Variants in MACROD2 observed in about 807,000 individuals in gnomAD.
The protein encoded by MACROD2 is mono-ADP ribosylhydrolase 2.
Under a neutral mutation model 70.4 loss-of-function variants are expected in MACROD2, and 36 were observed. The observed-to-expected ratio is 0.51, with a 90% CI of 0.39 to 0.68. The LOEUF (loss-of-function observed/expected upper bound fraction) is 0.68, where lower values mean the gene tolerates loss of function less well. Among genes scored for constraint, MACROD2 ranks in the 30% least tolerant of loss-of-function variants. MACROD2 has a pLI of 0.00. For missense variants in MACROD2, 496 were observed against 538.4 expected, an observed-to-expected ratio of 0.92 and a Z score of 0.78; for synonymous variants, 172 against 178.8, an observed-to-expected ratio of 0.96 and a Z score of 0.30.
At chr20:15,511,054 G>A (rs2047492366) in intron 8 of MACROD2, among the ~76,000 whole-genome samples, 2 of 152,144 alleles carry the variant, frequency 1.3e-5, no homozygotes, top group African/African-American at 4.8e-5. Flanking sequence ...GCAAGGAAGC[G>A]AAGCCCCACG....
chr20:15,270,845 C>G (rs764522342), intron 6 of MACROD2, among the ~76,000 whole-genome samples: 2 of 152,186 alleles, frequency 1.3e-5, no homozygotes, highest in Non-Finnish European at 2.9e-5. Flanking sequence ...CCTTCAAAAC[C>G]TTACTCAGAG....
chr20:15,596,829 T>C (rs1380967278), intron 8 of MACROD2, among the ~76,000 whole-genome samples: 1 of 152,048 alleles, frequency 6.6e-6, no homozygotes, highest in African/African-American at 2.4e-5. Context: ...CCCTGGAGAG[T>C]CCTAACACGG....
chr20:14,061,209 TTAA>T (rs1410067812), intron 2 of MACROD2, among the ~76,000 whole-genome samples: 1 of 152,202 alleles, frequency 6.6e-6, no homozygotes, highest in African/African-American at 2.4e-5. Flanking sequence ...ACATCTTCTA[TTAA>T]TAGACTATTC....
At position 14,963,608 on chromosome 20, in the gene MACROD2, T is replaced by C. The variant is rs183757873; in HGVS notation, c.419-266332T>C. Among the ~76,000 whole-genome samples, 15 of 152,262 alleles carry C rather than the reference T, an allele frequency of 9.9e-5. No individual in the cohort carries two copies. In the East Asian group the frequency reaches 2.1e-3, roughly 22 times the overall value. On this transcript the variant is annotated intron_variant, in intron 5 of 17. Coordinates refer to ENST00000684519, the MANE Select transcript of MACROD2 (RefSeq NM_001351661.2). ...ATTCCCTGCCGGTGGTGGGTTTTGA[T>C]TGACATTTTATGAGCCTTATTACTC...
intron 3 of MACROD2, among the ~76,000 whole-genome samples, chr20:14,122,742 G>C (rs1047300921): frequency 2.0e-5 from 3 of 152,132 alleles, no homozygotes; most frequent in Admixed American, 2.0e-4. Flanking sequence ...TCTTGTGCAG[G>C]AGTTCTGAAC....
At position 14,705,193 on chromosome 20, in the gene MACROD2, G is replaced by A. The variant is rs937293839; in HGVS notation, c.418+20234G>A. 7.9e-5 allele frequency among the ~76,000 whole-genome samples: 12 copies of A among 152,002 alleles called. No homozygotes were observed. In the South Asian group the frequency reaches 2.1e-3, roughly 26 times the overall value. ...CATGTTGTACATTAGATCTCTAGGC[G>A]TGTTTATTCTACCCGTCTGTTACTT... is the stretch of plus-strand genomic sequence containing the variant. On this transcript the variant is annotated intron_variant, in intron 5 of 17. Transcript: ENST00000684519.
At chr20:15,487,429 A>G (rs2047176522) in intron 7 of MACROD2, among the ~76,000 whole-genome samples, 2 of 152,196 alleles carry the variant, frequency 1.3e-5, no homozygotes, top group Admixed American at 6.5e-5. Flanking sequence ...GATTTTAATT[A>G]TATCATATAA....
chr20:14,775,709 C>G (rs1027622411), intron 5 of MACROD2, among the ~76,000 whole-genome samples: 4 of 151,976 alleles, frequency 2.6e-5, no homozygotes, highest in Admixed American at 2.6e-4. Context: ...GAACCTAGGT[C>G]TGCCTGTCTC....
chr20:15,849,431 G>A (rs758802825), intron 8 of MACROD2, among the ~76,000 whole-genome samples: 1 of 152,168 alleles, frequency 6.6e-6, no homozygotes, highest in African/African-American at 2.4e-5. Flanking sequence ...TCGAGAAAAC[G>A]ATAAGGCACA....
Position 15,897,568 on chromosome 20 carries a change from A to G in MACROD2, c.775+11757A>G, listed in dbSNP as rs73614483. ...ACCCATATCGCATTTTGTCCTCTGTATCTCTTCTCTCTCTGATGCCTTCCG... is the reference window on the plus strand; with the variant it reads ...ACCCATATCGCATTTTGTCCTCTGTGTCTCTTCTCTCTCTGATGCCTTCCG... On this transcript the variant is annotated intron_variant, in intron 10 of 17. Coordinates refer to ENST00000684519, the MANE Select transcript of MACROD2 (RefSeq NM_001351661.2). Among the ~76,000 whole-genome samples the G allele has an allele frequency of 3.9e-3, 590 of 151,616 alleles. 2 individuals are homozygous for G. Among genetic ancestry groups the G allele is most frequent in the South Asian group, 0.024 (113 of 4,784 alleles).
intron 4 of MACROD2, among the ~76,000 whole-genome samples, chr20:14,632,311 G>A (rs1984558167): frequency 6.6e-6 from 1 of 152,098 alleles, no homozygotes; most frequent in Admixed American, 6.5e-5. Context: ...TTAGAAACAT[G>A]TAAGGAAATA....
At chr20:15,862,063 T>C (rs931863496) in intron 8 of MACROD2, among the ~76,000 whole-genome samples, 1 of 152,256 alleles carries the variant, frequency 6.6e-6, no homozygotes, top group Non-Finnish European at 1.5e-5. Flanking sequence ...TCCAAGAAAC[T>C]CTTTACATAC....
chr20:14,727,014 G>T (rs2071538377), intron 5 of MACROD2, among the ~76,000 whole-genome samples: 1 of 151,842 alleles, frequency 6.6e-6, no homozygotes, highest in East Asian at 1.9e-4. Flanking sequence ...CTTTCATATG[G>T]TTTAAACCAT....
At chr20:15,261,318 A>C (rs947254282) in intron 6 of MACROD2, among the ~76,000 whole-genome samples, 1 of 152,006 alleles carries the variant, frequency 6.6e-6, no homozygotes, top group Non-Finnish European at 1.5e-5. Context: ...AAAACATTTC[A>C]AAAGGGCCAC....
intron 6 of MACROD2, among the ~76,000 whole-genome samples, chr20:15,329,096 G>A (rs2077963877): frequency 6.6e-6 from 1 of 152,180 alleles, no homozygotes; most frequent in South Asian, 2.1e-4. Context: ...AAATCTAAAA[G>A]GAAATGCAGC....
intron 3 of MACROD2, among the ~76,000 whole-genome samples, chr20:14,232,134 T>C (rs1339792041): frequency 6.6e-6 from 1 of 152,248 alleles, no homozygotes; most frequent in East Asian, 1.9e-4. Context: ...GTGCAGAAGC[T>C]CTTGAATTTA....
At chr20:15,685,212 T>C (rs1266962278) in intron 8 of MACROD2, among the ~76,000 whole-genome samples, 2 of 152,206 alleles carry the variant, frequency 1.3e-5, no homozygotes, top group Non-Finnish European at 2.9e-5. Context: ...CAGCACCTTG[T>C]ACCATGAAAG....
chr20:14,795,912 A>G (rs1332121090), intron 5 of MACROD2, among the ~76,000 whole-genome samples: 1 of 152,062 alleles, frequency 6.6e-6, no homozygotes, highest in Non-Finnish European at 1.5e-5. Flanking sequence ...AGCCAAGTGT[A>G]TCTTGTGGGA....
intron 3 of MACROD2, among the ~76,000 whole-genome samples, chr20:14,219,970 A>C (rs574279436): frequency 9.9e-5 from 15 of 152,114 alleles, no homozygotes; most frequent in Non-Finnish European, 2.1e-4. Flanking sequence ...GCTTCTTAGC[A>C]TTGATGGTTT....
Sources: allele counts gnomAD v4.1 joint callset (sites outside exome capture counted in the v4.1 genomes callset), GRCh38; gene constraint gnomAD v4.1.1; transcripts MANE v1.5; gene names NCBI Gene and HGNC (gene_info 2026-07-23, HGNC 2026-07-21).